Variants in CYRIA observed in about 807,000 individuals in gnomAD.
CYRIA encodes the protein CYFIP related Rac1 interactor A, also known as CYFIP-related Rac1 interactor A.
A neutral mutation model predicts 43.9 loss-of-function variants in CYRIA; 15 were observed. The ratio of observed to expected loss-of-function variants is 0.34; its 90% CI spans 0.23 to 0.53. The LOEUF (loss-of-function observed/expected upper bound fraction) is 0.53. Among genes scored for constraint, CYRIA ranks in the 20% least tolerant of loss-of-function variants. CYRIA has a pLI of 0.94. For synonymous variants in CYRIA, 117 were observed against 136.0 expected, an observed-to-expected ratio of 0.86 and a Z score of 0.97; for missense variants, 236 against 394.2, an observed-to-expected ratio of 0.60 and a Z score of 3.40.
intron 1 of CYRIA, among the ~76,000 whole-genome samples, chr2:16,632,784 G>T (rs75230816): frequency 1.3e-5 from 2 of 152,066 alleles, no homozygotes; most frequent in Non-Finnish European, 2.9e-5. Flanking sequence ...CCCTGGCCTC[G>T]GCAGACAAAC....
At chr2:16,619,127 G>A (rs567628623) in intron 2 of CYRIA, among the ~76,000 whole-genome samples, 71 of 152,270 alleles carry the variant, frequency 4.7e-4, no homozygotes, top group African/African-American at 1.6e-3. Context: ...CCAGTACCAC[G>A]AAGTGCAGAG....
chr2:16,568,095 C>T (rs937924193), intron 3 of CYRIA, among the ~76,000 whole-genome samples: 1 of 152,094 alleles, frequency 6.6e-6, no homozygotes, highest in Admixed American at 6.5e-5. Flanking sequence ...ATCTGAAATG[C>T]TCCAACATCT....
chr2:16,561,240 T>C lies in CYRIA; in HGVS notation c.551A>G (p.Asn184Ser), dbSNP rs748461140. ...IENEVNNEMA[N>S]RMSLFYAEAT... is the part of the protein sequence containing the mutation. The stretch of plus-strand genomic sequence containing the variant: ...TTCTGCATAGAAGAGGGACATTCGA[T>C]TGGCCATCTCATTATTGACTTCATT... Residue 184 changes from asparagine (N) to serine (S), a missense_variant, in exon 8 of 12, where the codon AAT (asparagine) becomes AGT (serine). Asn to Ser is a conservative substitution (Grantham distance 46, BLOSUM62 1). Coordinates refer to ENST00000381323, the MANE Select transcript of CYRIA (RefSeq NM_030797.4). 11 of 1,613,660 alleles carry C rather than the reference T, an allele frequency of 6.8e-6. No homozygotes were observed. Among genetic ancestry groups the C allele is most frequent in the South Asian group, 1.1e-5 (1 of 91,092 alleles).
intron 2 of CYRIA, among the ~76,000 whole-genome samples, chr2:16,618,591 C>T (rs1668884898): frequency 6.6e-6 from 1 of 152,172 alleles, no homozygotes; most frequent in Non-Finnish European, 1.5e-5. Flanking sequence ...GCCCTTGTCT[C>T]CAAAAGACTC....
At chr2:16,638,562 G>C (rs376286198) in intron 1 of CYRIA, among the ~76,000 whole-genome samples, 32 of 152,278 alleles carry the variant, frequency 2.1e-4, no homozygotes, top group African/African-American at 7.5e-4. Flanking sequence ...CTCATGTGAG[G>C]AACTCTGCAT....
At chr2:16,567,813 T>A (rs1288414853) in intron 3 of CYRIA, among the ~76,000 whole-genome samples, 1 of 152,176 alleles carries the variant, frequency 6.6e-6, no homozygotes, top group Non-Finnish European at 1.5e-5. Context: ...CTGGAATGTC[T>A]GTACACAAGG....
At chr2:16,600,778 C>G (rs1295964184) in intron 2 of CYRIA, among the ~76,000 whole-genome samples, 2 of 152,204 alleles carry the variant, frequency 1.3e-5, no homozygotes, top group African/African-American at 2.4e-5. Context: ...CTTTCACACA[C>G]TTTATCTCAT....
At chr2:16,653,776 G>A (rs1033640673) in intron 1 of CYRIA, among the ~76,000 whole-genome samples, 3 of 152,186 alleles carry the variant, frequency 2.0e-5, no homozygotes, top group Non-Finnish European at 4.4e-5. Flanking sequence ...CACCAGAAGC[G>A]AATCTCAAAG....
intron 11 of CYRIA, among the ~76,000 whole-genome samples, chr2:16,554,865 T>C (rs1368397405): frequency 3.3e-5 from 5 of 152,206 alleles, no homozygotes; most frequent in African/African-American, 4.8e-5. Context: ...GGCAAGTTAT[T>C]TGACTTCCTT....
chr2:16,605,126 TAA>T (rs11293051), intron 2 of CYRIA, among the ~76,000 whole-genome samples: 81 of 149,118 alleles, frequency 5.4e-4, no homozygotes, highest in African/African-American at 1.2e-3. Flanking sequence ...ACGGGAATTC[TAA>T]AAAAAAAAAA....
At chr2:16,652,427 A>G (rs1670000042) in intron 1 of CYRIA, among the ~76,000 whole-genome samples, 1 of 152,116 alleles carries the variant, frequency 6.6e-6, no homozygotes. Flanking sequence ...TTTCTTAGCC[A>G]TCCTCTCTCC....
At chr2:16,587,528 A>G (rs561607673) in intron 3 of CYRIA, among the ~76,000 whole-genome samples, 11 of 152,222 alleles carry the variant, frequency 7.2e-5, no homozygotes, top group Admixed American at 4.6e-4. Flanking sequence ...AAAATTAGGG[A>G]AAAAGGAAGG....
rs1201942161 is a variant in CYRIA, at chr2:16,555,086, C to T, written c.891G>A (p.Gly297=). 6 of 1,613,226 alleles carry T rather than the reference C, an allele frequency of 3.7e-6. No homozygotes were observed. The highest frequency in any genetic ancestry group is 5.1e-6 in the Non-Finnish European group (6 of 1,179,564). ...LKEQAPDSVE[G]LLNALRFTTK... ...AAGCTCACCTGAGGGCATTTAGCAG[C>T]CCCTCCACACTGTCTGGGGCCTGCT... is the stretch of plus-strand genomic sequence containing the variant. Residue 297 remains glycine (G), a synonymous_variant, in exon 11 of 12, where the codon GGG becomes GGA. Coordinates refer to ENST00000381323, the MANE Select transcript of CYRIA (RefSeq NM_030797.4).
At chr2:16,640,846 A>C (rs528983870) in intron 1 of CYRIA, among the ~76,000 whole-genome samples, 1 of 144,148 alleles carries the variant, frequency 6.9e-6, no homozygotes, top group Admixed American at 7.2e-5. Flanking sequence ...AAAAATAAGC[A>C]GCTTCATTTC....
At chr2:16,609,254 A>C (rs572226496) in intron 2 of CYRIA, among the ~76,000 whole-genome samples, 24 of 152,296 alleles carry the variant, frequency 1.6e-4, no homozygotes, top group Admixed American at 9.2e-4. Flanking sequence ...CGGGCCAGGG[A>C]TACCGGGGAT....
intron 1 of CYRIA, among the ~76,000 whole-genome samples, chr2:16,665,237 G>A (rs550297151): frequency 4.8e-4 from 73 of 152,272 alleles, no homozygotes; most frequent in African/African-American, 1.8e-3. Context: ...TTCTGGGGGA[G>A]GAGAGAGGGT....
intron 2 of CYRIA, among the ~76,000 whole-genome samples, chr2:16,606,033 C>G (rs1452974355): frequency 6.6e-6 from 1 of 152,102 alleles, no homozygotes; most frequent in Non-Finnish European, 1.5e-5. Context: ...TGGTGTGACC[C>G]TTCTGACTCC....
At chr2:16,618,915 T>C (rs1668900743) in intron 2 of CYRIA, among the ~76,000 whole-genome samples, 2 of 152,186 alleles carry the variant, frequency 1.3e-5, no homozygotes, top group Admixed American at 1.3e-4. Context: ...GTTTCATAAT[T>C]TCCTCCTTGG....
chr2:16,620,772 C>T (rs1168001894), intron 2 of CYRIA, among the ~76,000 whole-genome samples: 3 of 152,168 alleles, frequency 2.0e-5, no homozygotes, highest in Non-Finnish European at 4.4e-5. Flanking sequence ...ATTCCACAGT[C>T]TCAGGAGGGA....
Sources: gnomAD v4.1 joint callset for allele counts (sites outside exome capture counted in the v4.1 genomes callset) on GRCh38, gnomAD v4.1.1 for gene constraint, MANE v1.5 for transcripts, NCBI Gene and HGNC (gene_info 2026-07-23, HGNC 2026-07-21) for gene names.